CDH18: variants seen among roughly 807,000 people sequenced by gnomAD.
CDH18 encodes cadherin 18.
Under a neutral mutation model 67.9 loss-of-function variants are expected in CDH18, and 31 were observed. The ratio of observed to expected loss-of-function variants is 0.46; its 90% confidence interval spans 0.34 to 0.62. CDH18 has a LOEUF of 0.62. CDH18 is among the 20% of genes least tolerant of loss of function. The probability of loss-of-function intolerance (pLI) is 0.01; values close to 1 mark genes in which losing one functional copy is unlikely to be tolerated. For missense variants in CDH18, 890 were observed against 975.5 expected, an observed-to-expected ratio of 0.91 and a Z score of 1.17; for synonymous variants, 362 against 347.2, an observed-to-expected ratio of 1.04 and a Z score of -0.48.
intron 2 of CDH18, among the ~76,000 whole-genome samples, chr5:19,948,998 C>A (rs1795530754): frequency 6.6e-6 from 1 of 152,090 alleles, no homozygotes; most frequent in African/African-American, 2.4e-5. Flanking sequence ...TCAACTTAAG[C>A]ATACATTTTC....
At chr5:19,944,015 A>T (rs931116189) in intron 2 of CDH18, among the ~76,000 whole-genome samples, 7 of 152,256 alleles carry the variant, frequency 4.6e-5, no homozygotes, top group Admixed American at 2.0e-4. Context: ...TCAACCAATA[A>T]GATGAAACAA....
At chr5:19,654,789 G>T (rs75852860) in intron 5 of CDH18, among the ~76,000 whole-genome samples, 141 of 152,306 alleles carry the variant, frequency 9.3e-4, no homozygotes, top group East Asian at 2.7e-3. Flanking sequence ...GTAGCTCTCA[G>T]CAGAATGAAT....
chr5:20,064,296 T>A (rs557536398), intron 2 of CDH18, among the ~76,000 whole-genome samples: 2 of 152,204 alleles, frequency 1.3e-5, no homozygotes, highest in South Asian at 4.1e-4. Context: ...CCTGATGACA[T>A]TTTCCCTGTT....
At chr5:19,591,321 G>A (rs1745097964) in intron 6 of CDH18, 77 bp from the exon 7 acceptor site, 1 of 1,034,458 alleles carries the variant, frequency 9.7e-7, no homozygotes. Flanking sequence ...TAAATATTTA[G>A]AGCACATATT....
intron 2 of CDH18, among the ~76,000 whole-genome samples, chr5:19,948,285 A>C (rs1795458887): frequency 6.6e-6 from 1 of 152,150 alleles, no homozygotes; most frequent in Non-Finnish European, 1.5e-5. Flanking sequence ...GAGAGATGAA[A>C]ATTTTTGTTA....
intron 2 of CDH18, among the ~76,000 whole-genome samples, chr5:19,924,351 C>T (rs1792858520): frequency 6.6e-6 from 1 of 152,058 alleles, no homozygotes; most frequent in Non-Finnish European, 1.5e-5. Context: ...AAAAATAGGA[C>T]TTTGGCCAGT....
At chr5:19,551,201 T>C (rs1345003855) in intron 8 of CDH18, among the ~76,000 whole-genome samples, 1 of 152,136 alleles carries the variant, frequency 6.6e-6, no homozygotes, top group Non-Finnish European at 1.5e-5. Context: ...ATGGGCCACT[T>C]ACCAAGGACA....
chr5:20,010,618 A>G (rs1344715589), intron 2 of CDH18, among the ~76,000 whole-genome samples: 4 of 152,102 alleles, frequency 2.6e-5, no homozygotes, highest in African/African-American at 7.2e-5. Flanking sequence ...TCTAATCTTT[A>G]TCTGATTTGA....
At chr5:20,254,972 C>A (rs1014740245) in intron 2 of CDH18, among the ~76,000 whole-genome samples, 1 of 152,022 alleles carries the variant, frequency 6.6e-6, no homozygotes, top group Admixed American at 6.6e-5. Flanking sequence ...TGCAGCAATG[C>A]GAATGGAACT....
chr5:20,266,056 CT>C (rs1170370127), intron 1 of CDH18, among the ~76,000 whole-genome samples: 1 of 152,174 alleles, frequency 6.6e-6, no homozygotes, highest in Non-Finnish European at 1.5e-5. Flanking sequence ...GTTTTAGGGA[CT>C]TTGACATGGG....
intron 2 of CDH18, among the ~76,000 whole-genome samples, chr5:20,155,889 T>C (rs758125951): frequency 1.3e-5 from 2 of 152,128 alleles, no homozygotes; most frequent in African/African-American, 2.4e-5. Context: ...GTTGTAGGTA[T>C]GTGGCTTTAC....
chr5:20,042,517 A>T (rs1740514232), intron 2 of CDH18, among the ~76,000 whole-genome samples: 1 of 152,204 alleles, frequency 6.6e-6, no homozygotes, highest in East Asian at 1.9e-4. Flanking sequence ...ACACAAAAAC[A>T]TAATTGGCTG....
intron 10 of CDH18, among the ~76,000 whole-genome samples, chr5:19,508,046 T>C (rs1744495398): frequency 6.7e-6 from 1 of 148,974 alleles, no homozygotes; most frequent in African/African-American, 2.5e-5. Flanking sequence ...TTTTTATTAA[T>C]CGTATTTCTG....
At chr5:20,169,749 T>C (rs962512345) in intron 2 of CDH18, among the ~76,000 whole-genome samples, 4 of 152,106 alleles carry the variant, frequency 2.6e-5, no homozygotes, top group Non-Finnish European at 1.5e-5. Context: ...GTTAGCAAAA[T>C]AAATAATTCC....
chr5:19,838,716 A>G, intron 3 of CDH18, 43 bp downstream of exon 3: 1 of 1,372,918 alleles, frequency 7.3e-7, no homozygotes, highest in Non-Finnish European at 1.0e-6. Context: ...TTACCCCACA[A>G]TTTCTCAGGA....
intron 1 of CDH18, among the ~76,000 whole-genome samples, chr5:20,477,485 C>T (rs1196433165): frequency 4.6e-5 from 7 of 152,152 alleles, no homozygotes; most frequent in Admixed American, 2.0e-4. Flanking sequence ...AGAAAGAGCA[C>T]AGTGATTGTG....
At chr5:20,306,543 C>T (rs75016840) in intron 1 of CDH18, among the ~76,000 whole-genome samples, 5,589 of 152,190 alleles carry the variant, frequency 0.037, 257 homozygotes, top group African/African-American at 0.1. Context: ...ATGTTAATCA[C>T]ACTCTTTAAC....
At chr5:20,548,380 C>T (rs1757454155) in intron 1 of CDH18, among the ~76,000 whole-genome samples, 3 of 151,394 alleles carry the variant, frequency 2.0e-5, no homozygotes, top group Admixed American at 2.0e-4. Context: ...AAATATGTCC[C>T]TGGATACTTA....
chr5:19,478,849 T>C (rs1225229329), intron 12 of CDH18, among the ~76,000 whole-genome samples: 2 of 152,156 alleles, frequency 1.3e-5, no homozygotes, highest in Non-Finnish European at 2.9e-5. Flanking sequence ...TCTACTGTCA[T>C]GGTAAATTCT....
Sources: allele counts gnomAD v4.1 joint callset (sites outside exome capture counted in the v4.1 genomes callset), GRCh38; gene constraint gnomAD v4.1.1; transcripts MANE v1.5; gene names NCBI Gene and HGNC (gene_info 2026-07-23, HGNC 2026-07-21).